Variants in BABAM1 observed in about 807,000 individuals in gnomAD.
BABAM1 encodes the protein BRISC and BRCA1 A complex member 1, also known as BRISC and BRCA1-A complex member 1.
A neutral mutation model predicts 34.4 loss-of-function variants in BABAM1; 14 were observed. The ratio of observed to expected loss-of-function variants is 0.41; its 90% confidence interval spans 0.27 to 0.64. The LOEUF (loss-of-function observed/expected upper bound fraction) is 0.64. Among genes scored for constraint, BABAM1 ranks in the 30% least tolerant of loss-of-function variants. BABAM1 has a pLI of 0.34. For synonymous variants in BABAM1, 169 were observed against 165.8 expected (o/e 1.02, Z -0.15); for missense variants, 393 against 434.0 (o/e 0.91, Z 0.84).
In BABAM1 at chr19:17,279,138, G is replaced by A. The variant is rs1168511806; in HGVS notation, c.*90G>A. The A allele has an allele frequency of 5.0e-6, 7 of 1,401,190 alleles. No homozygotes were observed. The Admixed American group carries it at 1.5e-4, about 30-fold the overall frequency. The allele number at this position is 1,401,190 out of a possible 1,614,324, so 86.8% of individuals were successfully genotyped here. A position where few individuals can be genotyped will look rare whatever the true frequency, so the allele number is the denominator to read the frequency against. ...AACTGGGTTCCTTGGGACCTCCGGG[G>A]TGGGGGGGTTCCAGGAGGCACGTAG... On this transcript the variant is annotated 3_prime_UTR_variant, in exon 9 of 9. Coordinates refer to ENST00000598188, the MANE Select transcript of BABAM1 (RefSeq NM_014173.4).
intron 3 of BABAM1, among the ~76,000 whole-genome samples, chr19:17,273,442 G>A (rs1006310614): frequency 1.5e-4 from 23 of 152,122 alleles, no homozygotes; most frequent in African/African-American, 5.1e-4. Flanking sequence ...TCCGATGTCA[G>A]CCAGACTGGG....
Position 17,269,013 on chromosome 19 carries a change from C to T in BABAM1, c.207C>T (p.Gly69=), listed in dbSNP as rs771970889. 4.4e-6 allele frequency: 7 copies of T among 1,592,144 alleles called. No individual in the cohort carries two copies. The highest frequency in any genetic ancestry group is 3.5e-5 in the Admixed American group (2 of 56,980). The change falls in exon 2 of 9, where the codon GGC becomes GGT. Residue 69 remains glycine (G), a synonymous_variant. Coordinates refer to ENST00000598188, the MANE Select transcript of BABAM1 (RefSeq NM_014173.4). ...DDGSLNTSGA[G]PKSWQVPPPA... is the part of the protein sequence containing the mutation. ...GGAGCCTCAACACTTCAGGAGCCGG[C>T]CCTAAGTCCTGGCAGGTGCCCCCGC...
chr19:17,271,063 A>G (rs1330828282), intron 2 of BABAM1, among the ~76,000 whole-genome samples: 1 of 148,592 alleles, frequency 6.7e-6, no homozygotes, highest in Non-Finnish European at 1.5e-5. Flanking sequence ...ATCAGGGCTC[A>G]CTGCAACCTC....
At chr19:17,268,476 G>T (rs2073795774) in intron 1 of BABAM1, 1 of 178,098 alleles carries the variant, frequency 5.6e-6, no homozygotes, top group Non-Finnish European at 1.2e-5. Flanking sequence ...TTTTGCCCAG[G>T]ATGGAGTGCA....
intron 5 of BABAM1, among the ~76,000 whole-genome samples, chr19:17,274,717 G>T (rs1292116531): frequency 3.9e-5 from 6 of 152,166 alleles, no homozygotes; most frequent in Non-Finnish European, 8.8e-5. Context: ...TGTTCCTACA[G>T]CCACTTGAAC....
At chr19:17,276,966 C>T (rs1245330351) in intron 8 of BABAM1, 57 bp downstream of exon 8, 34 of 1,473,050 alleles carry the variant, frequency 2.3e-5, no homozygotes, top group Non-Finnish European at 3.1e-5. Flanking sequence ...TGTCTTGGAA[C>T]ACACCTGCAC....
chr19:17,273,810 G>T, intron 3 of BABAM1, 94 bp from the exon 4 acceptor site: 9 of 1,449,372 alleles, frequency 6.2e-6, no homozygotes, highest in Non-Finnish European at 8.3e-6. Context: ...TGATCCACCT[G>T]CCTCAGCCTC....
chr19:17,271,608 G>A lies in BABAM1; in HGVS notation c.297G>A (p.Leu99=), dbSNP rs565718101. Residue 99 remains leucine (L), a synonymous_variant, in exon 3 of 9, where the codon CTG becomes CTA. Coordinates refer to ENST00000598188, the MANE Select transcript of BABAM1 (RefSeq NM_014173.4). ...CAACTACCTTGCAGATTATCTGCCTGGACCTGTCAGAGGAAATGTCACTGC... is the reference window on the plus strand; with the variant it reads ...CAACTACCTTGCAGATTATCTGCCTAGACCTGTCAGAGGAAATGTCACTGC... ...VNCPEKVIIC[L]DLSEEMSLPK... is the part of the protein sequence containing the mutation. The A allele has an allele frequency of 6.2e-7, 1 of 1,613,728 alleles. No individual in the cohort carries two copies. Among genetic ancestry groups the A allele is most frequent in the South Asian group, 1.1e-5 (1 of 91,030 alleles).
intron 1 of BABAM1, 62 bp downstream of exon 1, chr19:17,267,589 T>C (rs572987609): frequency 6.6e-6 from 1 of 152,356 alleles, no homozygotes; most frequent in African/African-American, 2.4e-5. Flanking sequence ...CCCCAAGAGA[T>C]CCAGCTCCTC....
intron 3 of BABAM1, among the ~76,000 whole-genome samples, chr19:17,273,567 T>TTTTTTTG (rs1261484708): frequency 3.8e-5 from 4 of 106,156 alleles, no homozygotes; most frequent in Non-Finnish European, 7.7e-5. Context: ...TTGTTTTGTT[T>TTTTTTTG]TTTTTTTTTT....
At chr19:17,267,680 G>C (rs1017659223) in intron 1 of BABAM1, among the ~76,000 whole-genome samples, 153 bp downstream of exon 1, 13 of 152,126 alleles carry the variant, frequency 8.5e-5, no homozygotes, top group Non-Finnish European at 2.9e-5. Flanking sequence ...CTAAAGCCTT[G>C]TTTTTCTTAG....
chr19:17,271,951 T>A (rs926122107), intron 3 of BABAM1, among the ~76,000 whole-genome samples: 1 of 152,124 alleles, frequency 6.6e-6, no homozygotes, highest in Non-Finnish European at 1.5e-5. Flanking sequence ...ATGTATTTAT[T>A]TATTTTTGAG....
Position 17,273,898 on chromosome 19 carries a change from C to T in BABAM1, c.345-6C>T, listed in dbSNP as rs776836899. 33 of 1,603,078 alleles carry T rather than the reference C, an allele frequency of 2.1e-5. No individual in the cohort carries two copies. The highest frequency in any genetic ancestry group is 2.8e-5 in the Non-Finnish European group (33 of 1,175,106). ...CTTAATTCCCCTGTACTCTCTGCCT[C>T]CCCAGCTCCAAAACCAACGCCCTCA... is the stretch of plus-strand genomic sequence containing the variant. On this transcript the variant is annotated splice_polypyrimidine_tract_variant and splice_region_variant and intron_variant, in intron 3 of 8. Coordinates refer to ENST00000598188, the MANE Select transcript of BABAM1 (RefSeq NM_014173.4).
At chr19:17,271,537 G>A (rs952805015) in intron 2 of BABAM1, 60 bp from the exon 3 acceptor site, 1 of 1,570,924 alleles carries the variant, frequency 6.4e-7, no homozygotes, top group Non-Finnish European at 8.7e-7. Flanking sequence ...GGGCCAGTGA[G>A]TGGTGTGGGG....
rs889288610 is a variant in BABAM1 at position 17,278,134 on chromosome 19, G to A, written c.787-711G>A. ...GGTTGCGGTGAGCCGAGATCGTGCCGTTGCACTCCAGCCTGGGAACAACAG... is the reference window on the plus strand; with the variant it reads ...GGTTGCGGTGAGCCGAGATCGTGCCATTGCACTCCAGCCTGGGAACAACAG... On this transcript the variant is annotated intron_variant, in intron 8 of 8. Coordinates refer to ENST00000598188, the MANE Select transcript of BABAM1 (RefSeq NM_014173.4). Among the ~76,000 whole-genome samples the A allele has an allele frequency of 3.4e-5, 5 of 146,200 alleles. No individual in the cohort carries two copies. The East Asian group carries it at 6.2e-4, about 18-fold the overall frequency.
At chr19:17,273,555 GT>G (rs1555716572) in intron 3 of BABAM1, among the ~76,000 whole-genome samples, 2 of 13,228 alleles carry the variant, frequency 1.5e-4, no homozygotes, top group Non-Finnish European at 4.7e-4. Context: ...GTTTTTTTTT[GT>G]TTGTTTTGTT....
chr19:17,278,339 C>A (rs977845726), intron 8 of BABAM1, among the ~76,000 whole-genome samples: 1 of 146,730 alleles, frequency 6.8e-6, no homozygotes, highest in Non-Finnish European at 1.5e-5. Flanking sequence ...GGCGGAGTCT[C>A]GCTCTGTCGC....
chr19:17,273,110 T>G (rs578058753), intron 3 of BABAM1, among the ~76,000 whole-genome samples: 1 of 152,172 alleles, frequency 6.6e-6, no homozygotes, highest in African/African-American at 2.4e-5. Context: ...TAGCAATGAG[T>G]TGGAGACGCC....
chr19:17,272,388 G>C (rs1212237397), intron 3 of BABAM1, among the ~76,000 whole-genome samples: 2 of 151,558 alleles, frequency 1.3e-5, no homozygotes. Context: ...CTGGGCGACA[G>C]AGCGAGACCC....
Sources: allele counts gnomAD v4.1 joint callset (sites outside exome capture counted in the v4.1 genomes callset), GRCh38; gene constraint gnomAD v4.1.1; transcripts MANE v1.5; gene names NCBI Gene and HGNC (gene_info 2026-07-23, HGNC 2026-07-21).